PHF14: variants seen among roughly 807,000 people sequenced by gnomAD.
The protein encoded by PHF14 is PHD finger protein 14.
Under a neutral mutation model 117.9 loss-of-function variants are expected in PHF14, and 55 were observed. The ratio of observed to expected loss-of-function variants is 0.47; its 90% confidence interval spans 0.38 to 0.58. The LOEUF (loss-of-function observed/expected upper bound fraction) is 0.58. Ranked by LOEUF, PHF14 falls within the 20% of genes least tolerant of loss-of-function variation. PHF14 has a pLI of 0.00. For synonymous variants in PHF14, 409 were observed against 368.6 expected (o/e 1.11, Z -1.26); for missense variants, 978 against 1,122.2 (o/e 0.87, Z 1.84).
At chr7:11,107,208 C>G (rs1787299911) in intron 16 of PHF14, 2 of 983,968 alleles carry the variant, frequency 2.0e-6, no homozygotes, top group South Asian at 4.7e-5. Flanking sequence ...TTTGCATATT[C>G]TCAATAGTCA....
intron 6 of PHF14, among the ~76,000 whole-genome samples, chr7:11,026,183 C>T (rs1332914281): frequency 2.6e-5 from 4 of 151,862 alleles, no homozygotes; most frequent in East Asian, 1.9e-4. Flanking sequence ...CACCCCCATC[C>T]GTCAGTGGCC....
At position 11,132,179 on chromosome 7, in the gene PHF14, A is replaced by G. The variant is rs116654363; in HGVS notation, c.2772+20712A>G. 7.9e-3 allele frequency among the ~76,000 whole-genome samples: 1,202 copies of G among 151,624 alleles called. 11 individuals carry two copies. The highest frequency in any genetic ancestry group is 0.028 in the African/African-American group (1,146 of 41,410). ...ACAATTGCATACCTGTAGCCCTCAT[A>G]TTGTATATTTTATCTCTAGACCTTT... On this transcript the variant is annotated intron_variant, in intron 17 of 17. Transcript: ENST00000634607.
intron 17 of PHF14, among the ~76,000 whole-genome samples, chr7:11,135,958 T>C (rs1162743661): frequency 2.0e-5 from 3 of 152,130 alleles, no homozygotes; most frequent in East Asian, 3.8e-4. Context: ...GAATTAATAT[T>C]CAGACATTCC....
rs777348657 is a variant in PHF14 at position 11,102,472 on chromosome 7, A to G, written c.2655-8878A>G. 1.9e-5 allele frequency: 30 copies of G among 1,608,968 alleles called. No individual in the cohort carries two copies. In the Admixed American group the frequency reaches 4.7e-4, roughly 25 times the overall value. ...TAAATGTTAATGTTCTTTTCTTATC[A>G]CTTTACTGTGTAGATACCCTTCATG... On this transcript the variant is annotated intron_variant, in intron 16 of 17. Coordinates refer to ENST00000634607, the MANE Select transcript of PHF14 (RefSeq NM_001007157.2).
At chr7:10,988,173 C>T (rs1438590934) in intron 3 of PHF14, among the ~76,000 whole-genome samples, 2 of 151,950 alleles carry the variant, frequency 1.3e-5, no homozygotes, top group Non-Finnish European at 1.5e-5. Context: ...TCCCTCTTTG[C>T]GTTACATTTC....
intron 17 of PHF14, among the ~76,000 whole-genome samples, chr7:11,163,560 C>T (rs1217378718): frequency 1.3e-5 from 2 of 152,116 alleles, no homozygotes; most frequent in Non-Finnish European, 2.9e-5. Flanking sequence ...ACACATTTCG[C>T]ACTTTACTTA....
intron 4 of PHF14, among the ~76,000 whole-genome samples, chr7:11,004,611 A>C (rs1354472483): frequency 6.6e-6 from 1 of 151,812 alleles, no homozygotes; most frequent in African/African-American, 2.4e-5. Context: ...TAGTTTTTAT[A>C]ATGTCATATT....
intron 16 of PHF14, chr7:11,103,551 T>C (rs938762601): frequency 2.0e-6 from 2 of 984,930 alleles, no homozygotes; most frequent in Non-Finnish European, 2.4e-6. Flanking sequence ...AATCTTGAAC[T>C]GATTTAGAAG....
chr7:11,089,797 T>A (rs1786572817), intron 16 of PHF14, among the ~76,000 whole-genome samples: 1 of 144,962 alleles, frequency 6.9e-6, no homozygotes, highest in Non-Finnish European at 1.5e-5. Flanking sequence ...TGAGACGGAG[T>A]TTCACTCTTG....
intron 16 of PHF14, among the ~76,000 whole-genome samples, chr7:11,075,058 C>T (rs1785779606): frequency 6.6e-6 from 1 of 151,798 alleles, no homozygotes; most frequent in Non-Finnish European, 1.5e-5. Flanking sequence ...CTGCCTCAGC[C>T]TCCTGAGTAG....
rs1224859306 is a variant in PHF14, at chr7:11,125,355, T to C, written c.2772+13888T>C. ...CTCATTTGTGTAGTGTCAGCTATTA[T>C]ACTTTGTGTACACTGGCAGTTTTTG... is the stretch of plus-strand genomic sequence containing the variant. On this transcript the variant is annotated intron_variant, in intron 17 of 17. Coordinates refer to ENST00000634607, the MANE Select transcript of PHF14 (RefSeq NM_001007157.2). Among the ~76,000 whole-genome samples, 7 of 152,128 alleles carry C rather than the reference T, an allele frequency of 4.6e-5. No individual in the cohort carries two copies. The East Asian group carries it at 9.6e-4, about 21-fold the overall frequency.
Position 11,156,721 on chromosome 7 carries a change from G to T in PHF14, c.2773-12695G>T, listed in dbSNP as rs1181668303. 4.6e-5 allele frequency among the ~76,000 whole-genome samples: 7 copies of T among 152,278 alleles called. No individual in the cohort carries two copies. The East Asian group carries it at 1.4e-3, about 29-fold the overall frequency. On this transcript the variant is annotated intron_variant, in intron 17 of 17. Transcript: ENST00000634607. ...GAGGCAGGAGAATCGCTGAATCCAG[G>T]AGGCAGAGGTTGCAGTGAGCAGAAG...
At chr7:11,074,972 C>G (rs1393872511) in intron 16 of PHF14, among the ~76,000 whole-genome samples, 2 of 142,328 alleles carry the variant, frequency 1.4e-5, no homozygotes, top group African/African-American at 5.3e-5. Flanking sequence ...GAGTCTTGCT[C>G]TGTCACCCAT....
chr7:11,126,596 C>A (rs1284015327), intron 17 of PHF14, among the ~76,000 whole-genome samples: 3 of 151,850 alleles, frequency 2.0e-5, no homozygotes, highest in African/African-American at 7.3e-5. Context: ...CTTTTGTCTT[C>A]CTGTCTACTC....
intron 17 of PHF14, among the ~76,000 whole-genome samples, chr7:11,120,799 G>C (rs1022871388): frequency 6.6e-6 from 1 of 151,958 alleles, no homozygotes; most frequent in Non-Finnish European, 1.5e-5. Context: ...AGAAACTAAA[G>C]GTTTGTTTTG....
intron 17 of PHF14, among the ~76,000 whole-genome samples, chr7:11,145,274 T>C (rs1364555278): frequency 3.5e-5 from 3 of 86,392 alleles, no homozygotes; most frequent in Non-Finnish European, 6.7e-5. Context: ...GTGTATGTCC[T>C]CACTTGCTCT....
In PHF14 at chr7:11,092,976, CTTTG is replaced by C. The variant is rs531914459; in HGVS notation, c.2655-18372_2655-18369del. Reference sequence around the variant, plus strand: ...CGTTCTAGATTGCTCTGAAATAGCACTTTGTCTGTTGTCTCCCTGAGACAGTGAT... The same window carrying C: ...CGTTCTAGATTGCTCTGAAATAGCACTCTGTTGTCTCCCTGAGACAGTGAT... On this transcript the variant is annotated intron_variant, in intron 16 of 17. Coordinates refer to ENST00000634607, the MANE Select transcript of PHF14 (RefSeq NM_001007157.2). Among the ~76,000 whole-genome samples the C allele has an allele frequency of 1.4e-4, 21 of 152,278 alleles. No homozygotes were observed. In the South Asian group the frequency reaches 4.2e-3, roughly 30 times the overall value.
At chr7:11,109,796 G>A (rs1203219441) in intron 16 of PHF14, 1 of 151,794 alleles carries the variant, frequency 6.6e-6, no homozygotes, top group Non-Finnish European at 1.5e-5. Flanking sequence ...AGTAAATAAA[G>A]TACTGTTGGT....
Position 10,974,132 on chromosome 7 carries a change from G to A in PHF14, c.-192G>A. The A allele has an allele frequency of 1.7e-6, 1 of 596,870 alleles. No individual in the cohort carries two copies. Among genetic ancestry groups the A allele is most frequent in the Non-Finnish European group, 3.0e-6 (1 of 331,826 alleles). The allele number at this position is 596,870 out of a possible 1,614,324, so 37.0% of individuals were successfully genotyped here. ...GGCTCGAGCGGCCAGGGCCAGGCGA[G>A]GCCGGGGGGGCGGGGGGTTAGGGGA... On this transcript the variant is annotated 5_prime_UTR_variant, in exon 1 of 18. Transcript: ENST00000634607.
Sources: gnomAD v4.1 joint callset for allele counts (sites outside exome capture counted in the v4.1 genomes callset) on GRCh38, gnomAD v4.1.1 for gene constraint, MANE v1.5 for transcripts, NCBI Gene and HGNC (gene_info 2026-07-23, HGNC 2026-07-21) for gene names.